The following GRM5 variants were observed in gnomAD, a reference collection of about 807,000 sequenced individuals.
The protein encoded by GRM5 is glutamate metabotropic receptor 5.
GRM5 carries 19 observed loss-of-function variants against 83.1 expected under a neutral mutation model. That is an observed-to-expected ratio of 0.23 (90% CI 0.16 to 0.34). GRM5 has a LOEUF of 0.34. Among genes scored for constraint, GRM5 ranks in the 10% least tolerant of loss-of-function variants. The pLI is 1.00. For missense variants in GRM5, 1,160 were observed against 1,588.3 expected (o/e 0.73, Z 4.58); for synonymous variants, 675 against 633.6 (o/e 1.07, Z -0.98).
intron 2 of GRM5, among the ~76,000 whole-genome samples, chr11:88,964,100 G>A (rs1176777448): frequency 3.3e-5 from 5 of 152,160 alleles, no homozygotes; most frequent in Middle Eastern, 6.8e-3. Context: ...ATAATTTGGG[G>A]CCTTATATAT....
chr11:88,567,110 C>T lies in GRM5; in HGVS notation c.2573G>A (p.Arg858Lys). Residue 858 changes from arginine to lysine, a missense_variant, in exon 8 of 10, where the codon AGA becomes AAA. Transcript: ENST00000305447. This position sits in a 1 kb window ranked among gnomAD's most constrained non-coding sequence, Gnocchi z 7.3. ...GDGKSSSAAS[R>K]SSSLVNLWKR... is the part of the protein sequence containing the mutation. ...CCACAGGTTGACTAGGCTGCTGGAT[C>T]TGCTGGCTGCGGAGGATGACTTGCC... is the stretch of plus-strand genomic sequence containing the variant. The T allele has an allele frequency of 6.2e-7, 1 of 1,614,050 alleles. No individual in the cohort carries two copies. Among genetic ancestry groups the T allele is most frequent in the Non-Finnish European group, 8.5e-7 (1 of 1,179,942 alleles).
At chr11:88,760,456 T>C (rs1942489064) in intron 3 of GRM5, among the ~76,000 whole-genome samples, 1 of 152,062 alleles carries the variant, frequency 6.6e-6, no homozygotes, top group African/African-American at 2.4e-5. Flanking sequence ...CTAGAAAATC[T>C]AGAGGAAATG....
chr11:88,797,066 A>T (rs12421475), intron 3 of GRM5, among the ~76,000 whole-genome samples: 1,746 of 152,224 alleles, frequency 0.011, 20 homozygotes, highest in Non-Finnish European at 0.015. Flanking sequence ...GACTGTACAA[A>T]CATTGATATC....
At chr11:88,753,369 T>G (rs1158081600) in intron 3 of GRM5, among the ~76,000 whole-genome samples, 1 of 152,190 alleles carries the variant, frequency 6.6e-6, no homozygotes, top group Non-Finnish European at 1.5e-5. Context: ...TACTGATCAT[T>G]AGATAAATGT....
At chr11:88,621,568 T>A (rs1462851391) in intron 4 of GRM5, among the ~76,000 whole-genome samples, 2 of 152,228 alleles carry the variant, frequency 1.3e-5, no homozygotes, top group Non-Finnish European at 2.9e-5. Context: ...TAATTGTTAT[T>A]GTACATCTAG....
intron 2 of GRM5, among the ~76,000 whole-genome samples, chr11:88,989,306 G>T (rs1292508648): frequency 1.2e-4 from 17 of 143,490 alleles, no homozygotes; most frequent in Middle Eastern, 7.0e-3. Flanking sequence ...AACAAGAAGA[G>T]CTAACTATCC....
intron 2 of GRM5, among the ~76,000 whole-genome samples, chr11:88,870,446 G>A (rs1264189777): frequency 2.3e-4 from 2 of 8,776 alleles, no homozygotes; most frequent in Non-Finnish European, 7.3e-4. Context: ...ATTGTGACAT[G>A]ACAAGAACTT....
In GRM5 at chr11:88,632,715, C is replaced by A. The variant is rs72639175; in HGVS notation, c.1147+20453G>T. ...TAAATACTTAGGAGTAGAATGGCTG[C>A]ACCACATGGTGGGTATATGTTTAAC... On this transcript the variant is annotated intron_variant, in intron 4 of 9. Coordinates refer to ENST00000305447, the MANE Select transcript of GRM5 (RefSeq NM_001143831.3). Among the ~76,000 whole-genome samples, 1,564 of 152,256 alleles carry A rather than the reference C, an allele frequency of 0.01. 46 individuals carry two copies. The East Asian group carries it at 0.12, about 11-fold the overall frequency.
intron 3 of GRM5, among the ~76,000 whole-genome samples, chr11:88,749,114 A>G (rs1393326342): frequency 1.3e-5 from 2 of 152,208 alleles, no homozygotes; most frequent in Non-Finnish European, 1.5e-5. Context: ...AATTGACAGA[A>G]GTAGGCTTCA....
intron 9 of GRM5, among the ~76,000 whole-genome samples, chr11:88,521,670 A>G (rs889255319): frequency 2.0e-5 from 3 of 152,146 alleles, no homozygotes; most frequent in Non-Finnish European, 2.9e-5. Context: ...GTCCACTGTG[A>G]AAATATGAAA....
intron 2 of GRM5, among the ~76,000 whole-genome samples, chr11:89,026,000 C>G (rs1460208104): frequency 1.3e-5 from 2 of 152,152 alleles, no homozygotes; most frequent in Admixed American, 1.3e-4. Flanking sequence ...TACTACACAG[C>G]CATAAAAAAA....
chr11:88,769,541 G>T (rs1019500686), intron 3 of GRM5, among the ~76,000 whole-genome samples: 4 of 151,930 alleles, frequency 2.6e-5, no homozygotes, highest in African/African-American at 9.7e-5. Flanking sequence ...AGATGAGCCT[G>T]GAGCATGTTG....
At chr11:88,940,972 C>T (rs184770990) in intron 2 of GRM5, among the ~76,000 whole-genome samples, 144 of 152,084 alleles carry the variant, frequency 9.5e-4, no homozygotes, top group Admixed American at 1.8e-3. Flanking sequence ...TGCATACGCA[C>T]AGTTTTCCCC....
chr11:88,885,174 A>T (rs1191278119), intron 2 of GRM5, among the ~76,000 whole-genome samples: 2 of 151,860 alleles, frequency 1.3e-5, no homozygotes, highest in Admixed American at 6.6e-5. Context: ...GCTCTAGTTT[A>T]AATCAGTTTA....
At chr11:88,514,664 C>T (rs965859500) in intron 9 of GRM5, among the ~76,000 whole-genome samples, 1 of 151,830 alleles carries the variant, frequency 6.6e-6, no homozygotes, top group African/African-American at 2.4e-5. Flanking sequence ...GACATGAAAA[C>T]TACTGTGGAA....
At chr11:88,596,597 T>G (rs1384434434) in intron 6 of GRM5, among the ~76,000 whole-genome samples, 1 of 152,140 alleles carries the variant, frequency 6.6e-6, no homozygotes, top group East Asian at 1.9e-4. Flanking sequence ...TACTGTTCTT[T>G]CTATATGAAT....
intron 8 of GRM5, among the ~76,000 whole-genome samples, chr11:88,554,729 C>T (rs1403417740): frequency 6.6e-6 from 1 of 152,062 alleles, no homozygotes; most frequent in African/African-American, 2.4e-5. Context: ...TGGACATTGG[C>T]TCCTAGTGAG....
At chr11:88,786,477 C>G (rs1943070492) in intron 3 of GRM5, among the ~76,000 whole-genome samples, 1 of 152,122 alleles carries the variant, frequency 6.6e-6, no homozygotes, top group South Asian at 2.1e-4. Flanking sequence ...AATCTACTCT[C>G]TTTAGCTTTT....
chr11:88,617,982 A>G (rs1303405889), intron 4 of GRM5, among the ~76,000 whole-genome samples: 3 of 152,144 alleles, frequency 2.0e-5, no homozygotes, highest in Non-Finnish European at 4.4e-5. Flanking sequence ...GTTTCCCCCT[A>G]AGTTGTACAG....
Sources: allele counts gnomAD v4.1 joint callset (sites outside exome capture counted in the v4.1 genomes callset), GRCh38; gene constraint gnomAD v4.1.1; non-coding constraint Gnocchi (gnomAD v3.1); transcripts MANE v1.5; gene names NCBI Gene and HGNC (gene_info 2026-07-23, HGNC 2026-07-21).